The following SDK2 variants were observed in gnomAD, a reference collection of about 807,000 sequenced individuals.
The protein encoded by SDK2 is protein sidekick-2.
In SDK2, 105 loss-of-function variants were observed where a neutral mutation model predicts 253.9. That is an observed-to-expected ratio of 0.41 (90% CI 0.35 to 0.49). SDK2 has a LOEUF of 0.49. Among genes scored for constraint, SDK2 ranks in the 20% least tolerant of loss-of-function variants. The probability of loss-of-function intolerance (pLI) is 0.06; values close to 1 mark genes in which losing one functional copy is unlikely to be tolerated. For missense variants in SDK2, 2,608 were observed against 3,003.0 expected, an observed-to-expected ratio of 0.87 and a Z score of 3.07; for synonymous variants, 1,249 against 1,234.9, an observed-to-expected ratio of 1.01 and a Z score of -0.24.
chr17:73,643,967 C>T lies in SDK2; in HGVS notation c.64+58G>A. On this transcript the variant is annotated intron_variant, in intron 1 of 44. Transcript: ENST00000392650. The surrounding 1 kb of genome is among the most constrained non-coding windows in gnomAD (Gnocchi z 6.9). ...GTGAGGCCGGCCAGCTCCCGCCGCCCCTCCCCCGCCCACTCTCCCAGCCCC... is the reference window on the plus strand; with the variant it reads ...GTGAGGCCGGCCAGCTCCCGCCGCCTCTCCCCCGCCCACTCTCCCAGCCCC... 1 of 902,244 alleles carries T rather than the reference C, an allele frequency of 1.1e-6. No homozygotes were observed. The highest frequency in any genetic ancestry group is 1.4e-5 in the South Asian group (1 of 69,732). The allele number at this position is 902,244 out of a possible 1,614,324, so 55.9% of individuals were successfully genotyped here.
Position 73,465,471 on chromosome 17 carries a change from C to T in SDK2, c.331+6641G>A, listed in dbSNP as rs2063590561. Among the ~76,000 whole-genome samples the T allele has an allele frequency of 6.6e-6, 1 of 152,094 alleles. No homozygotes were observed. Among genetic ancestry groups the T allele is most frequent in the African/African-American group, 2.4e-5 (1 of 41,418 alleles). On this transcript the variant is annotated intron_variant, in intron 3 of 44. Transcript: ENST00000392650. This position sits in a 1 kb window ranked among gnomAD's most constrained non-coding sequence, Gnocchi z 4.2. ...AACGCTGGCTGTGGTGAAACGCTGG[C>T]TCGAGGTCCTCTGCCACCTCCGGAA...
chr17:73,526,386 ACTT>A (rs1182933145), intron 1 of SDK2, among the ~76,000 whole-genome samples: 1 of 152,160 alleles, frequency 6.6e-6, no homozygotes, highest in Non-Finnish European at 1.5e-5. Context: ...CAGTCAGGTA[ACTT>A]CTTTGATCTG....
chr17:73,554,494 G>A (rs1292286086), intron 1 of SDK2, among the ~76,000 whole-genome samples: 2 of 152,222 alleles, frequency 1.3e-5, no homozygotes, highest in East Asian at 1.9e-4. Flanking sequence ...AACATGTGAA[G>A]ACACAGGGAG....
At position 73,438,728 on chromosome 17, in the gene SDK2, C is replaced by G. The variant is rs372368112; in HGVS notation, c.726-574G>C. ...TGGCCTGGCTTTCCACCATCACCAA[C>G]CCCTGCACCCCCAAGCCCCCGAGAC... is the stretch of plus-strand genomic sequence containing the variant. On this transcript the variant is annotated intron_variant, in intron 6 of 44. Transcript: ENST00000392650. Among the ~76,000 whole-genome samples, 133 of 152,306 alleles carry G rather than the reference C, an allele frequency of 8.7e-4. 1 individual carries two copies. The highest frequency in any genetic ancestry group is 3.0e-3 in the African/African-American group (125 of 41,554).
At chr17:73,573,125 TC>T (rs1406570294) in intron 1 of SDK2, among the ~76,000 whole-genome samples, 1 of 152,154 alleles carries the variant, frequency 6.6e-6, no homozygotes, top group Non-Finnish European at 1.5e-5. Flanking sequence ...CTCTCCATCC[TC>T]CACTTCCTCA....
intron 18 of SDK2, among the ~76,000 whole-genome samples, chr17:73,413,503 A>G (rs1423365172): frequency 6.6e-6 from 1 of 152,104 alleles, no homozygotes; most frequent in African/African-American, 2.4e-5. Flanking sequence ...CTTCCATGAA[A>G]CTGGTCCCTG....
intron 44 of SDK2, among the ~76,000 whole-genome samples, chr17:73,340,996 G>T (rs1191901840): frequency 6.7e-6 from 1 of 150,204 alleles, no homozygotes; most frequent in African/African-American, 2.4e-5. Flanking sequence ...TGCCCACCTC[G>T]GCGTCCCAAA....
chr17:73,543,372 T>C (rs1028888760), intron 1 of SDK2, among the ~76,000 whole-genome samples: 24 of 152,150 alleles, frequency 1.6e-4, no homozygotes, highest in South Asian at 2.1e-4. Context: ...GCAGGTGCCA[T>C]GCCGCTCATA....
chr17:73,400,993 AG>A, intron 21 of SDK2, 26 bp downstream of exon 21: 1 of 1,545,238 alleles, frequency 6.5e-7, no homozygotes, highest in Non-Finnish European at 8.8e-7. Flanking sequence ...GAACTCAAAG[AG>A]TCCTGCCTTG....
Position 73,639,893 on chromosome 17 carries a change from C to T in SDK2, c.64+4132G>A, listed in dbSNP as rs1283688093. The stretch of plus-strand genomic sequence containing the variant: ...GGGTATGCAAGCAGAGACCAGATGG[C>T]CTTGTGGGCAGACGACGGTCCTAGA... On this transcript the variant is annotated intron_variant, in intron 1 of 44. Coordinates refer to ENST00000392650, the MANE Select transcript of SDK2 (RefSeq NM_001144952.2). This position sits in a 1 kb window ranked among gnomAD's most constrained non-coding sequence, Gnocchi z 4.3. 6.6e-6 allele frequency among the ~76,000 whole-genome samples: 1 copy of T among 152,086 alleles called. No individual in the cohort carries two copies. Among genetic ancestry groups the T allele is most frequent in the African/African-American group, 2.4e-5 (1 of 41,424 alleles).
intron 2 of SDK2, among the ~76,000 whole-genome samples, chr17:73,488,998 T>C (rs181222209): frequency 3.9e-5 from 6 of 152,346 alleles, no homozygotes; most frequent in Admixed American, 2.6e-4. Context: ...AATGTGTCCT[T>C]ATGTGGTTTC....
intron 12 of SDK2, among the ~76,000 whole-genome samples, chr17:73,425,197 G>A (rs1425308190): frequency 2.0e-5 from 3 of 152,018 alleles, no homozygotes; most frequent in Non-Finnish European, 4.4e-5. Context: ...TCCAGCCTGG[G>A]CGACACAGCA....
At chr17:73,418,013 T>TTTTG (rs1416909748) in intron 16 of SDK2, among the ~76,000 whole-genome samples, 2 of 148,182 alleles carry the variant, frequency 1.3e-5, no homozygotes, top group Non-Finnish European at 3.0e-5. Flanking sequence ...TAGATGAGTT[T>TTTTG]TTTTTTTTTT....
At position 73,346,454 on chromosome 17, in the gene SDK2, T is replaced by C. The variant is rs551534554; in HGVS notation, c.6165+2145A>G. The stretch of plus-strand genomic sequence containing the variant: ...TTGGGCTCTTCTTTTGAAAATGAAG[T>C]TGCCGTCCAGCCAGGCTGCAGTGTT... On this transcript the variant is annotated intron_variant, in intron 44 of 44. Coordinates refer to ENST00000392650, the MANE Select transcript of SDK2 (RefSeq NM_001144952.2). Among the ~76,000 whole-genome samples the C allele has an allele frequency of 6.6e-5, 10 of 152,124 alleles. No homozygotes were observed. The East Asian group carries it at 1.9e-3, about 29-fold the overall frequency.
chr17:73,547,972 A>G (rs945082097), intron 1 of SDK2, among the ~76,000 whole-genome samples: 1 of 152,242 alleles, frequency 6.6e-6, no homozygotes, highest in Non-Finnish European at 1.5e-5. Flanking sequence ...ATGTCTTACC[A>G]TGGCAGAGCA....
At chr17:73,591,802 G>A (rs1381095785) in intron 1 of SDK2, among the ~76,000 whole-genome samples, 1 of 152,168 alleles carries the variant, frequency 6.6e-6, no homozygotes, top group Non-Finnish European at 1.5e-5. Flanking sequence ...TTGCGGAGAT[G>A]CTTATCTGTG....
chr17:73,339,213 G>GTTTTTTTTGT lies in SDK2; in HGVS notation c.6166-274_6166-273insACAAAAAAAA, dbSNP rs1568356151. On this transcript the variant is annotated intron_variant, in intron 44 of 44. Coordinates refer to ENST00000392650, the MANE Select transcript of SDK2 (RefSeq NM_001144952.2). ...TACCTGATAGAATCAGAAGACCTGAGTTTTTTTTTGTTTTTGTTTTTGTTT... is the reference window on the plus strand; with the variant it reads ...TACCTGATAGAATCAGAAGACCTGAGTTTTTTTTGTTTTTTTTTTGTTTTTGTTTTTGTTT... Among the ~76,000 whole-genome samples the GTTTTTTTTGT allele has an allele frequency of 3.2e-4, 41 of 127,638 alleles. 1 individual carries two copies. Among genetic ancestry groups the GTTTTTTTTGT allele is most frequent in the Admixed American group, 5.3e-4 (6 of 11,288 alleles). 83.7% of individuals were successfully genotyped at this position (127,638 alleles called of 152,430 possible). A position where few individuals can be genotyped will look rare whatever the true frequency, so the allele number is the denominator to read the frequency against.
At chr17:73,606,639 G>T (rs1408759655) in intron 1 of SDK2, among the ~76,000 whole-genome samples, 33 of 151,538 alleles carry the variant, frequency 2.2e-4, no homozygotes, top group Admixed American at 2.1e-3. Context: ...GTGAAATTAG[G>T]TTCAAACCCA....
rs772417061 is a variant in SDK2 at position 73,423,876 on chromosome 17, C to G, written c.1760+40G>C. On this transcript the variant is annotated intron_variant, in intron 13 of 44. Transcript: ENST00000392650. Reference sequence around the variant, plus strand: ...CTCTGAGCATGCCAGTTGCTATTGCCTGGACCGCCTCTGCCGGGGTCTGGG... The same window carrying G: ...CTCTGAGCATGCCAGTTGCTATTGCGTGGACCGCCTCTGCCGGGGTCTGGG... The G allele has an allele frequency of 2.0e-6, 3 of 1,496,410 alleles. No homozygotes were observed. In the African/African-American group the frequency reaches 4.2e-5, roughly 21 times the overall value. The allele number at this position is 1,496,410 out of a possible 1,614,324, so 92.7% of individuals were successfully genotyped here.
Sources: allele counts gnomAD v4.1 joint callset (sites outside exome capture counted in the v4.1 genomes callset), GRCh38; gene constraint gnomAD v4.1.1; non-coding constraint Gnocchi (gnomAD v3.1); transcripts MANE v1.5; gene names NCBI Gene and HGNC (gene_info 2026-07-23, HGNC 2026-07-21).